Variants in PTGIS observed in about 807,000 individuals in gnomAD.
The protein encoded by PTGIS is prostaglandin I2 synthase, also known as prostacyclin synthase.
In PTGIS, 45 loss-of-function variants were observed where a neutral mutation model predicts 50.3. The ratio of observed to expected loss-of-function variants is 0.90; its 90% CI spans 0.70 to 1.15. PTGIS has a LOEUF of 1.15. Ranked by LOEUF, PTGIS falls within the 50% of genes most tolerant of loss-of-function variation. PTGIS has a pLI of 0.00. For synonymous variants in PTGIS, 260 were observed against 267.7 expected, an observed-to-expected ratio of 0.97 and a Z score of 0.28; for missense variants, 668 against 661.3, an observed-to-expected ratio of 1.01 and a Z score of -0.11.
Position 49,539,661 on chromosome 20 carries a change from G to C in PTGIS, c.582C>G (p.Ala194=), listed in dbSNP as rs759331912. 27 of 1,613,756 alleles carry C rather than the reference G, an allele frequency of 1.7e-5. No individual in the cohort carries two copies. Among genetic ancestry groups the C allele is most frequent in the East Asian group, 4.5e-5 (2 of 44,884 alleles). ...CATCAGCTGAGTGGACGCGGTCCTG[G>C]GCCTGGCTTTCATGGGTGCGTGGCA... ...EALPRTHESQ[A]QDRVHSADVF... Residue 194 remains alanine, a synonymous_variant, in exon 5 of 10, where the codon GCC becomes GCG. Transcript: ENST00000244043.
intron 2 of PTGIS, among the ~76,000 whole-genome samples, chr20:49,548,604 A>G (rs1442698847): frequency 1.3e-5 from 2 of 151,954 alleles, no homozygotes; most frequent in East Asian, 1.9e-4. Context: ...GAATGGATAC[A>G]TGGATGAATA....
chr20:49,527,289 CAAAA>C (rs36033143), intron 5 of PTGIS, among the ~76,000 whole-genome samples: 3 of 111,198 alleles, frequency 2.7e-5, no homozygotes, highest in Admixed American at 9.9e-5. Flanking sequence ...TACTAAAATA[CAAAA>C]AAAAAAAAAA....
chr20:49,561,173 C>T (rs1441335545), intron 1 of PTGIS, among the ~76,000 whole-genome samples: 1 of 152,164 alleles, frequency 6.6e-6, no homozygotes, highest in Non-Finnish European at 1.5e-5. Flanking sequence ...CCTCCCTCTG[C>T]CCCTGTCTCC....
intron 3 of PTGIS, among the ~76,000 whole-genome samples, chr20:49,547,019 G>A (rs1207381859): frequency 6.6e-6 from 1 of 152,216 alleles, no homozygotes; most frequent in Non-Finnish European, 1.5e-5. Flanking sequence ...ACCACCTGAG[G>A]TCAGGAGTTC....
At chr20:49,536,545 A>G (rs1019448633) in intron 5 of PTGIS, among the ~76,000 whole-genome samples, 2 of 146,818 alleles carry the variant, frequency 1.4e-5, no homozygotes, top group Non-Finnish European at 3.0e-5. Context: ...CAGTGGCACA[A>G]TCTCGGCTCA....
chr20:49,513,241 G>T lies in PTGIS; in HGVS notation c.1045C>A (p.Leu349Ile). 1 of 1,613,812 alleles carries T rather than the reference G, an allele frequency of 6.2e-7. No homozygotes were observed. Among genetic ancestry groups the T allele is most frequent in the Non-Finnish European group, 8.5e-7 (1 of 1,180,024 alleles). ...PVLDSVLSES[L>I]RLTAAPFITR... ...ATGAAGGGGGCAGCTGTAAGCCTGA[G>T]GCTCTCACTCAGCACGCTATCTGCA... Residue 349 changes from leucine (L) to isoleucine (I), a missense_variant, in exon 8 of 10, where the codon CTC becomes ATC. Transcript: ENST00000244043.
chr20:49,560,277 A>C (rs1194711429), intron 1 of PTGIS, among the ~76,000 whole-genome samples: 2 of 151,730 alleles, frequency 1.3e-5, no homozygotes, highest in East Asian at 3.9e-4. Flanking sequence ...ATAGTTGACT[A>C]TAACCTCAAA....
At position 49,540,435 on chromosome 20, in the gene PTGIS, G is replaced by T. The variant is rs574995915; in HGVS notation, c.522-714C>A. ...ACCGTGCCTGGTGGGAGAGGTGCCA[G>T]CTGTGGCTGGTGCAGGCACTGGAGC... On this transcript the variant is annotated intron_variant, in intron 4 of 9. Transcript: ENST00000244043. The surrounding 1 kb of genome is among the most constrained non-coding windows in gnomAD (Gnocchi z 4.8). Among the ~76,000 whole-genome samples the T allele has an allele frequency of 6.6e-6, 1 of 152,286 alleles. No individual in the cohort carries two copies. Among genetic ancestry groups the T allele is most frequent in the South Asian group, 2.1e-4 (1 of 4,826 alleles).
At chr20:49,511,503 G>A (rs1026351599) in intron 8 of PTGIS, among the ~76,000 whole-genome samples, 3 of 152,128 alleles carry the variant, frequency 2.0e-5, no homozygotes, top group African/African-American at 2.4e-5. Context: ...AAAACAATTC[G>A]CAAGGCACAC....
At chr20:49,549,954 A>G in intron 2 of PTGIS, 112 bp downstream of exon 2, 1 of 1,555,770 alleles carries the variant, frequency 6.4e-7, no homozygotes, top group South Asian at 1.1e-5. Context: ...TGGATGTTGG[A>G]TGGTGGGGTG....
At chr20:49,535,611 C>T (rs1377345006) in intron 5 of PTGIS, among the ~76,000 whole-genome samples, 1 of 152,182 alleles carries the variant, frequency 6.6e-6, no homozygotes, top group African/African-American at 2.4e-5. Context: ...TCTCACCAGG[C>T]TCAAGTGATC....
At chr20:49,560,773 G>A (rs150518566) in intron 1 of PTGIS, among the ~76,000 whole-genome samples, 7 of 152,256 alleles carry the variant, frequency 4.6e-5, no homozygotes, top group African/African-American at 9.6e-5. Flanking sequence ...AGGAGCCAGC[G>A]TGGCTGGAGT....
At chr20:49,548,872 G>C (rs1025968136) in intron 2 of PTGIS, among the ~76,000 whole-genome samples, 1 of 152,170 alleles carries the variant, frequency 6.6e-6, no homozygotes, top group African/African-American at 2.4e-5. Context: ...CTAGAGGTTG[G>C]TTGGAAACCA....
At chr20:49,555,498 T>A (rs573071502) in intron 1 of PTGIS, among the ~76,000 whole-genome samples, 1 of 152,292 alleles carries the variant, frequency 6.6e-6, no homozygotes, top group African/African-American at 2.4e-5. Flanking sequence ...AAGAGACATA[T>A]TCGGCTTATT....
intron 6 of PTGIS, among the ~76,000 whole-genome samples, chr20:49,521,684 C>T (rs1243694168): frequency 6.6e-6 from 1 of 152,164 alleles, no homozygotes; most frequent in East Asian, 1.9e-4. Context: ...CAGTTAATGG[C>T]TCTGAGGAAA....
At chr20:49,559,801 G>A (rs1212982153) in intron 1 of PTGIS, among the ~76,000 whole-genome samples, 1 of 152,110 alleles carries the variant, frequency 6.6e-6, no homozygotes, top group Non-Finnish European at 1.5e-5. Flanking sequence ...TGGAGGAGGG[G>A]GAAATGGGGA....
In PTGIS at chr20:49,540,184, C is replaced by T. The variant is rs1045722914; in HGVS notation, c.522-463G>A. On this transcript the variant is annotated intron_variant, in intron 4 of 9. Transcript: ENST00000244043. The surrounding 1 kb of genome is among the most constrained non-coding windows in gnomAD (Gnocchi z 4.8). The stretch of plus-strand genomic sequence containing the variant: ...CAGGAGGGAGCCCGGTGCTGGGGAG[C>T]AGCAAGGAGGCTGATGAGGCTGCAG... 1.3e-5 allele frequency among the ~76,000 whole-genome samples: 2 copies of T among 152,012 alleles called. No homozygotes were observed. The highest frequency in any genetic ancestry group is 4.8e-5 in the African/African-American group (2 of 41,388).
intron 5 of PTGIS, among the ~76,000 whole-genome samples, chr20:49,528,617 CTG>C (rs1341124624): frequency 6.6e-6 from 1 of 152,036 alleles, no homozygotes; most frequent in African/African-American, 2.4e-5. Context: ...AAGCAAGACT[CTG>C]TCTCAAAAAC....
chr20:49,565,502 C>G (rs1982875583), intron 1 of PTGIS, among the ~76,000 whole-genome samples: 1 of 152,068 alleles, frequency 6.6e-6, no homozygotes, highest in Admixed American at 6.5e-5. Flanking sequence ...GCCATCTCTA[C>G]AAAATTTTTA....
Sources: gnomAD v4.1 joint callset for allele counts (sites outside exome capture counted in the v4.1 genomes callset) on GRCh38, gnomAD v4.1.1 for gene constraint, Gnocchi (gnomAD v3.1) non-coding constraint, MANE v1.5 for transcripts, NCBI Gene and HGNC (gene_info 2026-07-23, HGNC 2026-07-21) for gene names.